Variants in KCNA5 observed in about 807,000 individuals in gnomAD.
KCNA5 encodes cardiac potassium channel.
A neutral mutation model predicts 26.5 loss-of-function variants in KCNA5; 22 were observed. The observed-to-expected ratio is 0.83, with a 90% CI of 0.59 to 1.18. The LOEUF (loss-of-function observed/expected upper bound fraction) is 1.18, where lower values mean the gene tolerates loss of function less well. Among genes scored for constraint, KCNA5 ranks in the 50% most tolerant of loss-of-function variants. KCNA5 has a pLI of 0.00. For missense variants in KCNA5, 916 were observed against 843.2 expected (o/e 1.09, Z -1.07); for synonymous variants, 465 against 372.8 (o/e 1.25, Z -2.85).
Position 5,045,255 on chromosome 12 carries a change from A to T in KCNA5, c.1108A>T (p.Ile370Phe). Residue 370 changes from isoleucine to phenylalanine, a missense_variant, in exon 1 of 1, where the codon ATC becomes TTC. Ile to Phe is a conservative substitution (Grantham distance 21). Coordinates refer to ENST00000252321, the MANE Select transcript of KCNA5 (RefSeq NM_002234.4). The surrounding 1 kb of genome is among the most constrained non-coding windows in gnomAD (Gnocchi z 5.6). The part of the protein sequence containing the change: ...IDVVAIFPYF[I>F]TLGTELAEQQ... Reference sequence around the variant, plus strand: ...TGTGGTGGCCATCTTCCCCTACTTCATCACCCTGGGCACCGAACTGGCAGA... The same window carrying T: ...TGTGGTGGCCATCTTCCCCTACTTCTTCACCCTGGGCACCGAACTGGCAGA... 2 of 1,614,052 alleles carry T rather than the reference A, an allele frequency of 1.2e-6. No individual in the cohort carries two copies. The highest frequency in any genetic ancestry group is 1.7e-6 in the Non-Finnish European group (2 of 1,180,014).
In KCNA5 at chr12:5,044,851, A is replaced by C. The variant is rs1862754890; in HGVS notation, c.704A>C (p.Gln235Pro). ...KPLPRNEFQR[Q>P]VWLIFEYPES... Reference sequence around the variant, plus strand: ...CTGCCCCGCAACGAGTTCCAGCGCCAGGTGTGGCTTATCTTCGAGTATCCG... The same window carrying C: ...CTGCCCCGCAACGAGTTCCAGCGCCCGGTGTGGCTTATCTTCGAGTATCCG... Residue 235 changes from glutamine to proline, a missense_variant, in exon 1 of 1, where the codon CAG becomes CCG. Gln to Pro is a moderately conservative substitution (Grantham distance 76, BLOSUM62 -1). Transcript: ENST00000252321. 1 of 1,614,050 alleles carries C rather than the reference A, an allele frequency of 6.2e-7. No homozygotes were observed. The highest frequency in any genetic ancestry group is 8.5e-7 in the Non-Finnish European group (1 of 1,180,018).
Position 5,044,069 on chromosome 12 carries a change from C to T in KCNA5, c.-79C>T. On this transcript the variant is annotated 5_prime_UTR_variant, in exon 1 of 1. The change creates a new upstream start codon in the 5' untranslated region. Transcript: ENST00000252321. Reference sequence around the variant, plus strand: ...GGCCGACCGCTGGAGCGGAGCCTGACGCCAGGCGCCCGCGGAGCGTGAGTA... The same window carrying T: ...GGCCGACCGCTGGAGCGGAGCCTGATGCCAGGCGCCCGCGGAGCGTGAGTA... 1 of 1,489,662 alleles carries T rather than the reference C, an allele frequency of 6.7e-7. No homozygotes were observed. Among genetic ancestry groups the T allele is most frequent in the Non-Finnish European group, 9.0e-7 (1 of 1,108,588 alleles). The allele number at this position is 1,489,662 out of a possible 1,614,324, so 92.3% of individuals were successfully genotyped here. A position where few individuals can be genotyped will look rare whatever the true frequency, so the allele number is the denominator to read the frequency against.
chr12:5,044,094 A>AG lies in KCNA5; in HGVS notation c.-49dup. On this transcript the variant is annotated 5_prime_UTR_variant, in exon 1 of 1. Coordinates refer to ENST00000252321, the MANE Select transcript of KCNA5 (RefSeq NM_002234.4). ...CGCCAGGCGCCCGCGGAGCGTGAGTAGGGGGCGCGGGAGCCGGTCAGCTGG... is the reference window on the plus strand; with the variant it reads ...CGCCAGGCGCCCGCGGAGCGTGAGTAGGGGGGCGCGGGAGCCGGTCAGCTGG... The AG allele has an allele frequency of 6.5e-7, 1 of 1,527,556 alleles. No homozygotes were observed. The highest frequency in any genetic ancestry group is 8.8e-7 in the Non-Finnish European group (1 of 1,141,712). 94.6% of individuals were successfully genotyped at this position (1,527,556 alleles called of 1,614,324 possible). A position where few individuals can be genotyped will look rare whatever the true frequency, so the allele number is the denominator to read the frequency against.
Position 5,044,598 on chromosome 12 carries a change from A to G in KCNA5, c.451A>G (p.Lys151Glu). The G allele has an allele frequency of 6.2e-7, 1 of 1,614,104 alleles. No homozygotes were observed. The highest frequency in any genetic ancestry group is 1.1e-5 in the South Asian group (1 of 91,086). Residue 151 changes from lysine to glutamate, a missense_variant, in exon 1 of 1, where the codon AAG becomes GAG. Transcript: ENST00000252321. ...CAACACACTCCTGGGGGACCCCGCC[A>G]AGCGCCTGCGCTACTTCGACCCCCT... The part of the protein sequence containing the change: ...FPNTLLGDPA[K>E]RLRYFDPLRN...
chr12:5,045,238 C>T lies in KCNA5; in HGVS notation c.1091C>T (p.Ala364Val), dbSNP rs920024373. The change falls in exon 1 of 1, where the codon GCC becomes GTC. Residue 364 changes from alanine to valine, a missense_variant. Ala to Val is a moderately conservative substitution (Grantham distance 64). Transcript: ENST00000252321. This position sits in a 1 kb window ranked among gnomAD's most constrained non-coding sequence, Gnocchi z 5.6. ...RNIMNIIDVVAIFPYFITLGT... is the reference protein window; with the variant it reads ...RNIMNIIDVVVIFPYFITLGT... ...ATCATGAACATCATCGATGTGGTGG[C>T]CATCTTCCCCTACTTCATCACCCTG... The T allele has an allele frequency of 1.9e-6, 3 of 1,614,076 alleles. No homozygotes were observed. Among genetic ancestry groups the T allele is most frequent in the Non-Finnish European group, 1.7e-6 (2 of 1,180,042 alleles).
At position 5,044,245 on chromosome 12, in the gene KCNA5, A is replaced by C; in HGVS notation, c.98A>C (p.Glu33Ala). ...GGCTGCGGCCAGGCCACAGGGGGAG[A>C]GCTCCAGTGTCCCCCGACGGCTGGG... is the stretch of plus-strand genomic sequence containing the variant. ...RAGCGQATGG[E>A]LQCPPTAGLS... The change falls in exon 1 of 1, where the codon GAG becomes GCG. Residue 33 changes from glutamate (E) to alanine (A), a missense_variant. Physicochemically the swap from Glu to Ala is moderately radical, Grantham distance 107. Coordinates refer to ENST00000252321, the MANE Select transcript of KCNA5 (RefSeq NM_002234.4). 5.2e-6 allele frequency: 8 copies of C among 1,539,378 alleles called. No homozygotes were observed. Among genetic ancestry groups the C allele is most frequent in the Non-Finnish European group, 7.0e-6 (8 of 1,147,924 alleles).
In KCNA5 at chr12:5,045,479, G is replaced by A. The variant is rs1862766336; in HGVS notation, c.1332G>A (p.Gly444=). Reference sequence around the variant, plus strand: ...TGCTCATCTTCTTCCTCTTCATCGGGGTCATCCTCTTCTCCAGTGCCGTCT... The same window carrying A: ...TGCTCATCTTCTTCCTCTTCATCGGAGTCATCCTCTTCTCCAGTGCCGTCT... The part of the protein sequence containing the change: ...LGLLIFFLFI[G]VILFSSAVYF... The change falls in exon 1 of 1, where the codon GGG becomes GGA. Residue 444 remains glycine (G), a synonymous_variant. Transcript: ENST00000252321. This position sits in a 1 kb window ranked among gnomAD's most constrained non-coding sequence, Gnocchi z 5.6. 8 of 1,614,158 alleles carry A rather than the reference G, an allele frequency of 5.0e-6. No homozygotes were observed. Among genetic ancestry groups the A allele is most frequent in the Admixed American group, 1.7e-5 (1 of 60,020 alleles).
In KCNA5 at chr12:5,045,557, C is replaced by G; in HGVS notation, c.1410C>G (p.Ala470=). The change falls in exon 1 of 1, where the codon GCC becomes GCG. Residue 470 remains alanine, a synonymous_variant. Coordinates refer to ENST00000252321, the MANE Select transcript of KCNA5 (RefSeq NM_002234.4). This position sits in a 1 kb window ranked among gnomAD's most constrained non-coding sequence, Gnocchi z 5.6. ...QGTHFSSIPD[A]FWWAVVTMTT... is the part of the protein sequence containing the mutation. Reference sequence around the variant, plus strand: ...CCCATTTCTCTAGCATCCCTGACGCCTTCTGGTGGGCAGTGGTCACCATGA... The same window carrying G: ...CCCATTTCTCTAGCATCCCTGACGCGTTCTGGTGGGCAGTGGTCACCATGA... The G allele has an allele frequency of 1.2e-6, 2 of 1,614,212 alleles. No homozygotes were observed. The highest frequency in any genetic ancestry group is 1.7e-6 in the Non-Finnish European group (2 of 1,180,034).
Position 5,046,601 on chromosome 12 carries a change from G to A in KCNA5, c.*612G>A, listed in dbSNP as rs999686578. 1.7e-5 allele frequency: 3 copies of A among 172,108 alleles called. No homozygotes were observed. Among genetic ancestry groups the A allele is most frequent in the Non-Finnish European group, 2.8e-5 (2 of 70,868 alleles). The allele number at this position is 172,108 out of a possible 1,614,324, so 10.7% of individuals were successfully genotyped here. On this transcript the variant is annotated 3_prime_UTR_variant, in exon 1 of 1. Transcript: ENST00000252321. ...AAGCCTCTGTCTTTTCTGGGATGTG[G>A]TATTGGTGCTTTGTGTCTAGGGCAG...
At position 5,044,618 on chromosome 12, in the gene KCNA5, C is replaced by T. The variant is rs200395850; in HGVS notation, c.471C>T (p.Asp157=). 449 of 1,614,114 alleles carry T rather than the reference C, an allele frequency of 2.8e-4. 1 individual carries two copies. The highest frequency in any genetic ancestry group is 1.6e-4 in the Middle Eastern group (1 of 6,062). ...GDPAKRLRYF[D]PLRNEYFFDR... ...CCGCCAAGCGCCTGCGCTACTTCGACCCCCTGAGGAACGAGTACTTCTTCG... is the reference window on the plus strand; with the variant it reads ...CCGCCAAGCGCCTGCGCTACTTCGATCCCCTGAGGAACGAGTACTTCTTCG... The change falls in exon 1 of 1, where the codon GAC becomes GAT. Residue 157 remains aspartate (D), a synonymous_variant. Coordinates refer to ENST00000252321, the MANE Select transcript of KCNA5 (RefSeq NM_002234.4).
rs80304472 is a variant in KCNA5, at chr12:5,046,532, G to C, written c.*543G>C. ...ATGTTTTTCTGTGTTACTTATATTA[G>C]AGTCAGAGATCTTGGTATGGGCTGT... is the stretch of plus-strand genomic sequence containing the variant. On this transcript the variant is annotated 3_prime_UTR_variant, in exon 1 of 1. Transcript: ENST00000252321. 7.1e-3 allele frequency: 1,345 copies of C among 188,842 alleles called. 24 individuals carry two copies. The highest frequency in any genetic ancestry group is 0.031 in the African/African-American group (1,298 of 41,944). 11.7% of individuals were successfully genotyped at this position (188,842 alleles called of 1,614,324 possible). A position where few individuals can be genotyped will look rare whatever the true frequency, so the allele number is the denominator to read the frequency against.
In KCNA5 at chr12:5,045,674, C is replaced by T; in HGVS notation, c.1527C>T (p.Ala509=). ...LCAIAGVLTI[A]LPVPVIVSNF... The stretch of plus-strand genomic sequence containing the variant: ...CCATCGCCGGGGTCCTCACCATTGC[C>T]CTGCCTGTGCCCGTCATCGTCTCCA... The change falls in exon 1 of 1, where the codon GCC becomes GCT. Residue 509 remains alanine (A), a synonymous_variant. Transcript: ENST00000252321. This position sits in a 1 kb window ranked among gnomAD's most constrained non-coding sequence, Gnocchi z 5.6. 2.5e-6 allele frequency: 4 copies of T among 1,614,208 alleles called. No homozygotes were observed. The highest frequency in any genetic ancestry group is 3.4e-6 in the Non-Finnish European group (4 of 1,180,048).
rs775893669 is a variant in KCNA5, at chr12:5,044,130, G to GC, written c.-15dup. ...GAGCCGGTCAGCTGGGGCGCAGCAT[G>GC]CCCTCTGCTCCCGCGCCATGGAGAT... On this transcript the variant is annotated 5_prime_UTR_variant, in exon 1 of 1. Transcript: ENST00000252321. The GC allele has an allele frequency of 1.3e-5, 20 of 1,534,022 alleles. No individual in the cohort carries two copies. In the South Asian group the frequency reaches 2.1e-4, roughly 16 times the overall value.
In KCNA5 at chr12:5,044,422, C is replaced by G. The variant is rs757623478; in HGVS notation, c.275C>G (p.Pro92Arg). ...GAGCTGCCACGGCCTCGACGGCCGCCTCCCGAGGACGAGGAGGAAGAAGGC... is the reference window on the plus strand; with the variant it reads ...GAGCTGCCACGGCCTCGACGGCCGCGTCCCGAGGACGAGGAGGAAGAAGGC... ...PEELPRPRRP[P>R]PEDEEEEGDP... Residue 92 changes from proline to arginine, a missense_variant, in exon 1 of 1, where the codon CCT (proline) becomes CGT (arginine). Transcript: ENST00000252321. 1.7e-5 allele frequency: 27 copies of G among 1,603,636 alleles called. No individual in the cohort carries two copies. The East Asian group carries it at 5.8e-4, about 35-fold the overall frequency.
At position 5,044,435 on chromosome 12, in the gene KCNA5, G is replaced by A. The variant is rs758165908; in HGVS notation, c.288G>A (p.Glu96=). 1.9e-6 allele frequency: 3 copies of A among 1,608,070 alleles called. No individual in the cohort carries two copies. The highest frequency in any genetic ancestry group is 4.5e-5 in the East Asian group (2 of 44,780). Residue 96 remains glutamate, a synonymous_variant, in exon 1 of 1, where the codon GAG becomes GAA. Transcript: ENST00000252321. ...CTCGACGGCCGCCTCCCGAGGACGA[G>A]GAGGAAGAAGGCGATCCCGGCCTGG... ...PRPRRPPPED[E]EEEGDPGLGT...
At position 5,045,837 on chromosome 12, in the gene KCNA5, T is replaced by C. The variant is rs1217280104; in HGVS notation, c.1690T>C (p.Cys564Arg). The change falls in exon 1 of 1, where the codon TGC becomes CGC. Residue 564 changes from cysteine to arginine, a missense_variant. By Grantham distance (180) the Cys-to-Arg change is radical. Transcript: ENST00000252321. The surrounding 1 kb of genome is among the most constrained non-coding windows in gnomAD (Gnocchi z 5.6). ...RKVSGSRGSF[C>R]KAGGTLENAD... is the part of the protein sequence containing the mutation. ...GGTCAGCGGGAGCAGGGGATCCTTC[T>C]GCAAGGCTGGGGGGACCCTGGAGAA... 1 of 1,614,104 alleles carries C rather than the reference T, an allele frequency of 6.2e-7. No individual in the cohort carries two copies.
At position 5,045,365 on chromosome 12, in the gene KCNA5, G is replaced by A. The variant is rs775226682; in HGVS notation, c.1218G>A (p.Arg406=). ...TCCTCCGAGTCATCCGCCTGGTCCG[G>A]GTGTTCCGCATCTTCAAGCTCTCCC... ...LAILRVIRLV[R]VFRIFKLSRH... The change falls in exon 1 of 1, where the codon CGG becomes CGA. Residue 406 remains arginine, a synonymous_variant. Transcript: ENST00000252321. The surrounding 1 kb of genome is among the most constrained non-coding windows in gnomAD (Gnocchi z 5.6). The A allele has an allele frequency of 9.3e-6, 15 of 1,613,618 alleles. No individual in the cohort carries two copies. Among genetic ancestry groups the A allele is most frequent in the African/African-American group, 6.7e-5 (5 of 74,926 alleles).
chr12:5,046,126 C>T lies in KCNA5; in HGVS notation c.*137C>T, dbSNP rs537210463. 9.4e-7 allele frequency: 1 copy of T among 1,068,964 alleles called. No individual in the cohort carries two copies. The highest frequency in any genetic ancestry group is 2.0e-5 in the Admixed American group (1 of 50,248). 66.2% of individuals were successfully genotyped at this position (1,068,964 alleles called of 1,614,324 possible). A position where few individuals can be genotyped will look rare whatever the true frequency, so the allele number is the denominator to read the frequency against. ...ACCCCTCTCCTTTCACTCCTTTCCT[C>T]CCTCCCTCGATCCCCCCATTTTCTC... On this transcript the variant is annotated 3_prime_UTR_variant, in exon 1 of 1. Coordinates refer to ENST00000252321, the MANE Select transcript of KCNA5 (RefSeq NM_002234.4).
In KCNA5 at chr12:5,044,418, C is replaced by T; in HGVS notation, c.271C>T (p.Pro91Ser). 1.2e-6 allele frequency: 2 copies of T among 1,600,854 alleles called. No homozygotes were observed. The highest frequency in any genetic ancestry group is 1.7e-6 in the Non-Finnish European group (2 of 1,176,610). The change falls in exon 1 of 1, where the codon CCG (proline) becomes TCG (serine). Residue 91 changes from proline (P) to serine (S), a missense_variant. Physicochemically the swap from Pro to Ser is moderately conservative, Grantham distance 74. Transcript: ENST00000252321. ...AGAGGAGCTGCCACGGCCTCGACGG[C>T]CGCCTCCCGAGGACGAGGAGGAAGA... Reference protein sequence around the residue: ...LPEELPRPRRPPPEDEEEEGD... With the variant: ...LPEELPRPRRSPPEDEEEEGD...
Sources: gnomAD v4.1 joint callset for allele counts on GRCh38, gnomAD v4.1.1 for gene constraint, Gnocchi (gnomAD v3.1) non-coding constraint, MANE v1.5 for transcripts, NCBI Gene and HGNC (gene_info 2026-07-23, HGNC 2026-07-21) for gene names.